Variants in GAB3 observed in about 807,000 individuals in gnomAD.
The protein encoded by GAB3 is GRB2 associated binding protein 3, also known as GRB2-associated-binding protein 3.
In GAB3, 12 loss-of-function variants were observed where a neutral mutation model predicts 40.4. The ratio of observed to expected loss-of-function variants is 0.30; its 90% confidence interval spans 0.19 to 0.48. The LOEUF (loss-of-function observed/expected upper bound fraction) is 0.48. Ranked by LOEUF, GAB3 falls within the 20% of genes least tolerant of loss-of-function variation. The probability of loss-of-function intolerance (pLI) is 0.99; values close to 1 mark genes in which losing one functional copy is unlikely to be tolerated. For missense variants in GAB3, 381 were observed against 461.9 expected (o/e 0.82, Z 1.61); for synonymous variants, 154 against 176.7 (o/e 0.87, Z 1.02).
At chrX:154,716,501 G>A (rs1478495276) in intron 1 of GAB3, among the ~76,000 whole-genome samples, 172 bp from the exon 2 acceptor site, 5 of 112,901 alleles carry the variant, frequency 4.4e-5, no homozygotes, top group African/African-American at 1.6e-4. Context: ...CCGCTTTATT[G>A]GATGATTTTA....
intron 4 of GAB3, among the ~76,000 whole-genome samples, chrX:154,707,649 A>G (rs374213074): frequency 3.1e-4 from 35 of 112,068 alleles, no homozygotes; most frequent in African/African-American, 1.1e-3. Context: ...GGAATGATAC[A>G]AGGATCCGTA....
intron 2 of GAB3, among the ~76,000 whole-genome samples, chrX:154,715,314 G>A (rs1244060740): frequency 2.7e-5 from 3 of 111,379 alleles, no homozygotes; most frequent in Non-Finnish European, 5.7e-5. Flanking sequence ...AATGTCAGGG[G>A]CTCAACAACA....
intron 1 of GAB3, among the ~76,000 whole-genome samples, chrX:154,739,078 C>T (rs2071401900): frequency 8.9e-6 from 1 of 111,938 alleles, no homozygotes; most frequent in African/African-American, 3.3e-5. Flanking sequence ...AAATCATCAT[C>T]TAGTTACCTG....
chrX:154,733,119 C>T (rs1318132702), intron 1 of GAB3, among the ~76,000 whole-genome samples: 2 of 112,239 alleles, frequency 1.8e-5, no homozygotes, highest in Admixed American at 1.9e-4. Context: ...ACCCAAATGC[C>T]CTTTCTTTCC....
chrX:154,700,856 T>C (rs188618170), intron 4 of GAB3, among the ~76,000 whole-genome samples: 1 of 110,535 alleles, frequency 9.0e-6, no homozygotes, highest in East Asian at 2.8e-4. Context: ...AGCTTGGAGG[T>C]GTGAAAAGTC....
intron 5 of GAB3, 137 bp from the exon 6 acceptor site, chrX:154,699,650 C>T (rs1557251709): frequency 3.9e-6 from 2 of 516,243 alleles, no homozygotes. Context: ...CAAAGTCAGA[C>T]AAGCCTCTAG....
At chrX:154,704,996 A>C (rs782540389) in intron 4 of GAB3, among the ~76,000 whole-genome samples, 1 of 111,374 alleles carries the variant, frequency 9.0e-6, no homozygotes, top group South Asian at 3.8e-4. Context: ...TTTACTGCTG[A>C]ATTCTACCAA....
intron 1 of GAB3, among the ~76,000 whole-genome samples, chrX:154,720,017 G>A (rs782760521): frequency 9.0e-6 from 1 of 111,621 alleles, no homozygotes; most frequent in East Asian, 2.8e-4. Flanking sequence ...AATATACAAT[G>A]GTGGTCCTAT....
chrX:154,742,804 A>G (rs2071462353), intron 1 of GAB3, among the ~76,000 whole-genome samples: 1 of 110,175 alleles, frequency 9.1e-6, no homozygotes, highest in Non-Finnish European at 1.9e-5. Context: ...CAGAAAGCAG[A>G]TCAGTTGCTG....
intron 1 of GAB3, among the ~76,000 whole-genome samples, chrX:154,720,004 C>G (rs782564568): frequency 1.8e-5 from 2 of 111,673 alleles, no homozygotes; most frequent in East Asian, 5.6e-4. Context: ...TAACAATGAA[C>G]CAAATATACA....
At chrX:154,685,726 A>G (rs781912040) in intron 8 of GAB3, among the ~76,000 whole-genome samples, 20 of 112,095 alleles carry the variant, frequency 1.8e-4, no homozygotes, top group Non-Finnish European at 3.6e-4. Context: ...CAGGGAAACC[A>G]ACAGAATAGA....
chrX:154,721,561 T>A (rs782391773), intron 1 of GAB3, among the ~76,000 whole-genome samples: 33 of 112,147 alleles, frequency 2.9e-4, no homozygotes, highest in African/African-American at 1.0e-3. Context: ...AACCATCTCT[T>A]AAAGGTCCCA....
At chrX:154,719,476 G>A (rs1436279395) in intron 1 of GAB3, among the ~76,000 whole-genome samples, 1 of 112,280 alleles carries the variant, frequency 8.9e-6, no homozygotes, top group Admixed American at 9.4e-5. Flanking sequence ...AGTGGGGCAG[G>A]AGGAAGCAGC....
chrX:154,683,597 C>T (rs2070405951), intron 8 of GAB3, among the ~76,000 whole-genome samples: 1 of 111,683 alleles, frequency 9.0e-6, no homozygotes, highest in South Asian at 3.7e-4. Flanking sequence ...TTTTACTTTC[C>T]CTTCAACCCT....
At position 154,716,009 on chromosome X, in the gene GAB3, C is replaced by T; in HGVS notation, c.376+17G>A. The T allele has an allele frequency of 5.9e-6, 7 of 1,195,064 alleles. No individual in the cohort carries two copies. The highest frequency in any genetic ancestry group is 4.7e-4 in the Middle Eastern group (2 of 4,270). On this transcript the variant is annotated intron_variant, in intron 2 of 9. Transcript: ENST00000424127. ...GGGATACCCCTTAGCACATGGGAGC[C>T]CCAACTCCGCTCTTACCTGCACCAT...
chrX:154,690,517 A>C (rs1477221578), intron 8 of GAB3, among the ~76,000 whole-genome samples: 2 of 112,417 alleles, frequency 1.8e-5, no homozygotes, highest in African/African-American at 6.5e-5. Flanking sequence ...CAACCTACTC[A>C]TCTGACAATG....
At chrX:154,742,964 G>A (rs2071465056) in intron 1 of GAB3, among the ~76,000 whole-genome samples, 1 of 100,879 alleles carries the variant, frequency 9.9e-6, no homozygotes, top group Admixed American at 1.1e-4. Flanking sequence ...CTTATGATGG[G>A]TGAATTCTAT....
At chrX:154,736,647 AG>A (rs1441745628) in intron 1 of GAB3, among the ~76,000 whole-genome samples, 1 of 112,274 alleles carries the variant, frequency 8.9e-6, no homozygotes, top group Non-Finnish European at 1.9e-5. Context: ...TTCACGGTAA[AG>A]GTTTAAGGTA....
chrX:154,739,469 T>C (rs782813921), intron 1 of GAB3, among the ~76,000 whole-genome samples: 1 of 111,858 alleles, frequency 8.9e-6, no homozygotes, highest in East Asian at 2.8e-4. Flanking sequence ...GTGAAATCAA[T>C]AAAAGAAAAA....
Sources: gnomAD v4.1 joint callset for allele counts (sites outside exome capture counted in the v4.1 genomes callset) on GRCh38, gnomAD v4.1.1 for gene constraint, MANE v1.5 for transcripts, NCBI Gene and HGNC (gene_info 2026-07-23, HGNC 2026-07-21) for gene names.